DCTN2: variants seen among roughly 807,000 people sequenced by gnomAD.
The protein encoded by DCTN2 is dynactin subunit 2, also known as 50 kDa dynein-associated polypeptide.
Under a neutral mutation model 55.4 loss-of-function variants are expected in DCTN2, and 18 were observed. That is an observed-to-expected ratio of 0.32 (90% CI 0.22 to 0.48). DCTN2 has a LOEUF of 0.48. Among genes scored for constraint, DCTN2 ranks in the 20% least tolerant of loss-of-function variants. The probability of loss-of-function intolerance (pLI) is 0.99; values close to 1 mark genes in which losing one functional copy is unlikely to be tolerated. For missense variants in DCTN2, 390 were observed against 491.0 expected, an observed-to-expected ratio of 0.79 and a Z score of 1.94; for synonymous variants, 168 against 185.2, an observed-to-expected ratio of 0.91 and a Z score of 0.76.
rs914739620 is a variant in DCTN2, at chr12:57,534,309, G to A, written c.507C>T (p.Pro169=). 8 of 1,593,886 alleles carry A rather than the reference G, an allele frequency of 5.0e-6. No individual in the cohort carries two copies. The highest frequency in any genetic ancestry group is 1.1e-5 in the South Asian group (1 of 89,604). Residue 169 remains proline, a synonymous_variant, in exon 6 of 14, where the codon CCC becomes CCT. Coordinates refer to ENST00000548249, the MANE Select transcript of DCTN2 (RefSeq NM_001261413.2). ...GPDAAINLTD[P]DGALAKRLLL... Reference sequence around the variant, plus strand: ...GTACCCACTTAGCCAGGGCGCCATCGGGGTCGGTAAGGTTGATTGCAGCAT... The same window carrying A: ...GTACCCACTTAGCCAGGGCGCCATCAGGGTCGGTAAGGTTGATTGCAGCAT...
intron 2 of DCTN2, among the ~76,000 whole-genome samples, chr12:57,541,049 G>C (rs1008786484): frequency 3.3e-5 from 5 of 152,130 alleles, no homozygotes; most frequent in African/African-American, 4.8e-5. Context: ...AAAGGAAACT[G>C]CCTTCTAACT....
rs1476283103 is a variant in DCTN2, at chr12:57,530,576, G to C, written c.*113C>G. 3.3e-6 allele frequency: 3 copies of C among 911,902 alleles called. No homozygotes were observed. In the South Asian group the frequency reaches 4.8e-5, roughly 15 times the overall value. 56.5% of individuals were successfully genotyped at this position (911,902 alleles called of 1,614,324 possible). A position where few individuals can be genotyped will look rare whatever the true frequency, so the allele number is the denominator to read the frequency against. ...CATGCAAGAAGAACCCTTGCCCCCA[G>C]TGTCAAATGGGATGGGGATGCTAGA... On this transcript the variant is annotated 3_prime_UTR_variant, in exon 14 of 14. Transcript: ENST00000548249.
Position 57,530,686 on chromosome 12 carries a change from T to C in DCTN2, c.*3A>G, listed in dbSNP as rs767706395. The C allele has an allele frequency of 8.1e-6, 13 of 1,613,360 alleles. No homozygotes were observed. The highest frequency in any genetic ancestry group is 1.1e-5 in the Non-Finnish European group (13 of 1,179,412). On this transcript the variant is annotated 3_prime_UTR_variant, in exon 14 of 14. Coordinates refer to ENST00000548249, the MANE Select transcript of DCTN2 (RefSeq NM_001261413.2). ...ACCCCTGTTCTCCAGCTCCCAAATG[T>C]GCTCACTTTCCCAGCTTCTTCATCC...
At chr12:57,541,468 C>T in intron 2 of DCTN2, 3 of 1,249,024 alleles carry the variant, frequency 2.4e-6, no homozygotes, top group Non-Finnish European at 3.5e-6. Context: ...TGAACACAAT[C>T]AAGCATACTC....
At chr12:57,540,634 T>C (rs1225994732) in intron 2 of DCTN2, among the ~76,000 whole-genome samples, 1 of 152,240 alleles carries the variant, frequency 6.6e-6, no homozygotes, top group Non-Finnish European at 1.5e-5. Context: ...TGTTACTCTC[T>C]GAGCCTATTC....
chr12:57,541,294 G>C, intron 2 of DCTN2: 1 of 1,570,316 alleles, frequency 6.4e-7, no homozygotes, highest in Admixed American at 1.7e-5. Context: ...CAATAGCACA[G>C]TGGCAGAGCA....
chr12:57,541,306 T>C (rs934839894), intron 2 of DCTN2: 2 of 1,587,936 alleles, frequency 1.3e-6, no homozygotes, highest in African/African-American at 2.7e-5. Context: ...GGCAGAGCAT[T>C]GCATGCGAGA....
At position 57,530,466 on chromosome 12, in the gene DCTN2, C is replaced by A. The variant is rs901849416; in HGVS notation, c.*223G>T. ...GTGGCTGGGCCCACGTCCTTATCCC[C>A]CAGGCCTGAGGGGAGACCACCTTCT... On this transcript the variant is annotated 3_prime_UTR_variant, in exon 14 of 14. Transcript: ENST00000548249. 2 of 483,350 alleles carry A rather than the reference C, an allele frequency of 4.1e-6. No individual in the cohort carries two copies. The highest frequency in any genetic ancestry group is 7.5e-6 in the Non-Finnish European group (2 of 267,770). 29.9% of individuals were successfully genotyped at this position (483,350 alleles called of 1,614,324 possible).
In DCTN2 at chr12:57,532,219, C is replaced by A; in HGVS notation, c.1021G>T (p.Glu341Ter). ...QRLVTIKQLH[E>*]QAMQFGQLLT... ...CTGGCAGCTGGCCTCCCACCTTGCTCGTGCAGCTGCTTGATGGTGACAAGT... is the reference window on the plus strand; with the variant it reads ...CTGGCAGCTGGCCTCCCACCTTGCTAGTGCAGCTGCTTGATGGTGACAAGT... The change falls in exon 12 of 14, where the codon GAG becomes TAG. Residue 341 changes from glutamate (E) to a stop codon, truncating the protein, a stop_gained. Coordinates refer to ENST00000548249, the MANE Select transcript of DCTN2 (RefSeq NM_001261413.2). LOFTEE classifies it high-confidence loss of function. 1 of 1,555,234 alleles carries A rather than the reference C, an allele frequency of 6.4e-7. No homozygotes were observed. Among genetic ancestry groups the A allele is most frequent in the South Asian group, 1.2e-5 (1 of 84,238 alleles).
chr12:57,535,577 T>G (rs754240265), intron 3 of DCTN2, 32 bp from the exon 4 acceptor site: 2 of 1,612,390 alleles, frequency 1.2e-6, no homozygotes, highest in African/African-American at 2.7e-5. Context: ...ACTGAGGGCC[T>G]GATCTAGGCC....
At chr12:57,542,373 T>C (rs1001663785) in intron 2 of DCTN2, among the ~76,000 whole-genome samples, 1 of 152,234 alleles carries the variant, frequency 6.6e-6, no homozygotes, top group African/African-American at 2.4e-5. Context: ...AAAATGTTTA[T>C]GTTTAAGTTA....
intron 2 of DCTN2, among the ~76,000 whole-genome samples, chr12:57,541,995 C>G (rs924850649): frequency 1.3e-5 from 2 of 152,194 alleles, no homozygotes; most frequent in Non-Finnish European, 2.9e-5. Flanking sequence ...TCAGGATTGG[C>G]CAGGCACAGT....
chr12:57,533,937 CTG>C lies in DCTN2; in HGVS notation c.669+14_669+15del. 1.3e-6 allele frequency: 2 copies of C among 1,596,358 alleles called. No individual in the cohort carries two copies. The highest frequency in any genetic ancestry group is 1.7e-6 in the Non-Finnish European group (2 of 1,170,828). On this transcript the variant is annotated intron_variant, in intron 7 of 13. Transcript: ENST00000548249. The stretch of plus-strand genomic sequence containing the variant: ...TCTCCCCTTGGCTTCCCAACCAACA[CTG>C]TATCCACACTTACTTTGGCAGCTTG...
Position 57,532,578 on chromosome 12 carries a change from T to C in DCTN2, c.918A>G (p.Gln306=), listed in dbSNP as rs186544514. 2 of 1,613,938 alleles carry C rather than the reference T, an allele frequency of 1.2e-6. No individual in the cohort carries two copies. Among genetic ancestry groups the C allele is most frequent in the Non-Finnish European group, 1.7e-6 (2 of 1,179,858 alleles). Residue 306 remains glutamine, a synonymous_variant, in exon 11 of 14, where the codon CAA becomes CAG. Coordinates refer to ENST00000548249, the MANE Select transcript of DCTN2 (RefSeq NM_001261413.2). ...GGGAAGGTGTCTTCCTGACCTTGCT[T>C]TGTGTATCTGCATCTTCTACAGAGG... ...HKASVEDADT[Q]SKVHQLYETI...
rs541675779 is a variant in DCTN2, at chr12:57,530,195, G to A, written c.*494C>T. ...TTTATTTAGTTCTTTGGTAAGAACA[G>A]GTTACAATTTAAATCCATCTCTTGT... On this transcript the variant is annotated 3_prime_UTR_variant, in exon 14 of 14. Transcript: ENST00000548249. The A allele has an allele frequency of 6.5e-6, 1 of 152,914 alleles. No individual in the cohort carries two copies. The highest frequency in any genetic ancestry group is 2.4e-5 in the African/African-American group (1 of 41,578). 9.5% of individuals were successfully genotyped at this position (152,914 alleles called of 1,614,324 possible). A position where few individuals can be genotyped will look rare whatever the true frequency, so the allele number is the denominator to read the frequency against.
Position 57,530,655 on chromosome 12 carries a change from G to C in DCTN2, c.*34C>G. On this transcript the variant is annotated 3_prime_UTR_variant, in exon 14 of 14. Transcript: ENST00000548249. ...GCTGTTAACAGAGTTCACAGGGGTA[G>C]GGATAACCCCTGTTCTCCAGCTCCC... 5 of 1,542,364 alleles carry C rather than the reference G, an allele frequency of 3.2e-6. No homozygotes were observed. Among genetic ancestry groups the C allele is most frequent in the Non-Finnish European group, 4.5e-6 (5 of 1,116,088 alleles).
chr12:57,530,590 G>T lies in DCTN2; in HGVS notation c.*99C>A. On this transcript the variant is annotated 3_prime_UTR_variant, in exon 14 of 14. Transcript: ENST00000548249. ...CCTTGCCCCCAGTGTCAAATGGGAT[G>T]GGGATGCTAGAGTTATAGTAAAGGG... 9.5e-7 allele frequency: 1 copy of T among 1,053,474 alleles called. No individual in the cohort carries two copies. The highest frequency in any genetic ancestry group is 1.5e-5 in the South Asian group (1 of 67,836). 65.3% of individuals were successfully genotyped at this position (1,053,474 alleles called of 1,614,324 possible).
At chr12:57,546,675 G>T (rs2140143286) in intron 1 of DCTN2, among the ~76,000 whole-genome samples, 1 of 152,268 alleles carries the variant, frequency 6.6e-6, no homozygotes, top group East Asian at 1.9e-4. Context: ...AAGTGGTCTG[G>T]TGTGTGTGTC....
intron 2 of DCTN2, among the ~76,000 whole-genome samples, chr12:57,545,493 G>C (rs369849607): frequency 1.3e-5 from 2 of 152,008 alleles, no homozygotes; most frequent in South Asian, 2.1e-4. Flanking sequence ...CAGAATTCTC[G>C]GATCTAAAAA....
Sources: allele counts gnomAD v4.1 joint callset (sites outside exome capture counted in the v4.1 genomes callset), GRCh38; gene constraint gnomAD v4.1.1; transcripts MANE v1.5; gene names NCBI Gene and HGNC (gene_info 2026-07-23, HGNC 2026-07-21).